SORT1: variants seen among roughly 807,000 people sequenced by gnomAD.
The protein encoded by SORT1 is sortilin.
Under a neutral mutation model 101.7 loss-of-function variants are expected in SORT1, and 39 were observed. The ratio of observed to expected loss-of-function variants is 0.38; its 90% CI spans 0.30 to 0.50. SORT1 has a LOEUF of 0.50. Ranked by LOEUF, SORT1 falls within the 20% of genes least tolerant of loss-of-function variation. The pLI is 0.90. For missense variants in SORT1, 878 were observed against 1,040.4 expected (o/e 0.84, Z 2.15); for synonymous variants, 396 against 393.7 (o/e 1.01, Z -0.07).
chr1:109,341,975 C>A (rs1649258423), intron 9 of SORT1, 39 bp downstream of exon 9: 2 of 1,585,744 alleles, frequency 1.3e-6, no homozygotes, highest in East Asian at 4.5e-5. Context: ...AAGCTTACAT[C>A]TCTATGCTTT....
intron 5 of SORT1, 118 bp from the exon 6 acceptor site, chr1:109,351,120 A>G: frequency 1.3e-6 from 1 of 773,556 alleles, no homozygotes. Context: ...CTGAAGCTCC[A>G]TCAGAGCTGC....
intron 11 of SORT1, among the ~76,000 whole-genome samples, chr1:109,335,548 T>C (rs999358121): frequency 2.6e-5 from 4 of 152,174 alleles, no homozygotes; most frequent in Non-Finnish European, 5.9e-5. Flanking sequence ...ATGTCAGTGA[T>C]ACAGATACTA....
At chr1:109,372,229 T>G (rs1651520258) in intron 1 of SORT1, among the ~76,000 whole-genome samples, 1 of 152,238 alleles carries the variant, frequency 6.6e-6, no homozygotes, top group South Asian at 2.1e-4. Context: ...CATGTCATTC[T>G]ACACTGCAGT....
chr1:109,327,246 T>C, intron 12 of SORT1, 86 bp from the exon 13 acceptor site: 1 of 1,167,724 alleles, frequency 8.6e-7, no homozygotes, highest in Non-Finnish European at 1.2e-6. Context: ...TTGAATGAAT[T>C]TATTCTGATT....
intron 13 of SORT1, among the ~76,000 whole-genome samples, chr1:109,325,370 T>A (rs1409978848): frequency 6.6e-6 from 1 of 150,960 alleles, no homozygotes. Flanking sequence ...GCCTCCTGAG[T>A]AGCTGGGATT....
chr1:109,376,235 G>C (rs1010897812), intron 1 of SORT1, among the ~76,000 whole-genome samples: 9 of 151,492 alleles, frequency 5.9e-5, no homozygotes, highest in Non-Finnish European at 1.0e-4. Context: ...AGAGGCTGAG[G>C]CAGGAGAATG....
In SORT1 at chr1:109,309,799, C is replaced by G. The variant is rs1340427621; in HGVS notation, c.*4244G>C. 2.0e-5 allele frequency: 3 copies of G among 152,236 alleles called. No homozygotes were observed. The highest frequency in any genetic ancestry group is 4.4e-5 in the Non-Finnish European group (3 of 68,028). The allele number at this position is 152,236 out of a possible 1,614,324, so 9.4% of individuals were successfully genotyped here. A position where few individuals can be genotyped will look rare whatever the true frequency, so the allele number is the denominator to read the frequency against. On this transcript the variant is annotated 3_prime_UTR_variant, in exon 20 of 20. Coordinates refer to ENST00000256637, the MANE Select transcript of SORT1 (RefSeq NM_002959.7). Reference sequence around the variant, plus strand: ...CCCACCTCACATGCAATTTTCTGTCCTAAGGGAATAGAAAACTTGGGTTTT... The same window carrying G: ...CCCACCTCACATGCAATTTTCTGTCGTAAGGGAATAGAAAACTTGGGTTTT...
At chr1:109,389,203 C>G (rs944655503) in intron 1 of SORT1, among the ~76,000 whole-genome samples, 5 of 152,226 alleles carry the variant, frequency 3.3e-5, no homozygotes, top group Admixed American at 3.3e-4. Context: ...ACAAATCATA[C>G]TCATACGGTA....
intron 1 of SORT1, chr1:109,393,500 T>C (rs1653029461): frequency 6.0e-6 from 1 of 165,744 alleles, no homozygotes; most frequent in South Asian, 2.0e-4. Flanking sequence ...AAGGGGTGCT[T>C]ACAGCAGAAA....
chr1:109,371,547 G>C (rs948706556), intron 1 of SORT1, among the ~76,000 whole-genome samples: 1 of 152,208 alleles, frequency 6.6e-6, no homozygotes, highest in Admixed American at 6.5e-5. Context: ...TCATCAGGCT[G>C]TAAGATATCA....
intron 1 of SORT1, among the ~76,000 whole-genome samples, chr1:109,386,475 G>A (rs1652574085): frequency 6.6e-6 from 1 of 152,194 alleles, no homozygotes. Context: ...CATATGGGGA[G>A]CTGAAGGGAC....
At position 109,397,792 on chromosome 1, in the gene SORT1, T is replaced by C; in HGVS notation, c.101A>G (p.Gln34Arg). Residue 34 changes from glutamine to arginine, a missense_variant, in exon 1 of 20, where the codon CAG becomes CGG. Around this residue, in one of 2 missense-constraint regions of SORT1, gnomAD observed 194 missense variants for 145.9 expected, o/e 1.33. Transcript: ENST00000256637. ...CGGCGGCGGCGCGTCCAGCCGGTCCTGGCTGAGGGTCGACGGCGGCAGCAG... is the reference window on the plus strand; with the variant it reads ...CGGCGGCGGCGCGTCCAGCCGGTCCCGGCTGAGGGTCGACGGCGGCAGCAG... ...LQLLPPSTLSQDRLDAPPPPA... is the reference protein window; with the variant it reads ...LQLLPPSTLSRDRLDAPPPPA... 1 of 1,254,268 alleles carries C rather than the reference T, an allele frequency of 8.0e-7. No individual in the cohort carries two copies. Among genetic ancestry groups the C allele is most frequent in the South Asian group, 2.1e-5 (1 of 48,126 alleles). The allele number at this position is 1,254,268 out of a possible 1,614,324, so 77.7% of individuals were successfully genotyped here. A position where few individuals can be genotyped will look rare whatever the true frequency, so the allele number is the denominator to read the frequency against.
intron 10 of SORT1, among the ~76,000 whole-genome samples, chr1:109,339,628 TTTTGTATTGCA>T (rs1219167968): frequency 6.6e-6 from 1 of 152,052 alleles, no homozygotes; most frequent in Non-Finnish European, 1.5e-5. Context: ...ATTGGAATCC[TTTTGTATTGCA>T]TGTAAAATGG....
chr1:109,365,050 T>C (rs1367272354), intron 3 of SORT1, among the ~76,000 whole-genome samples: 1 of 152,190 alleles, frequency 6.6e-6, no homozygotes, highest in Non-Finnish European at 1.5e-5. Context: ...TACTCTACAA[T>C]TATATGATAC....
chr1:109,316,553 CCTAAATGACT>C (rs1647230517), intron 17 of SORT1, among the ~76,000 whole-genome samples: 1 of 152,040 alleles, frequency 6.6e-6, no homozygotes, highest in Non-Finnish European at 1.5e-5. Context: ...TTTTTGTTTT[CCTAAATGACT>C]CTCAGCCTCA....
intron 15 of SORT1, among the ~76,000 whole-genome samples, chr1:109,319,848 C>T (rs1459866726): frequency 3.4e-5 from 5 of 148,800 alleles, no homozygotes; most frequent in African/African-American, 9.9e-5. Context: ...GCCTGGGCGA[C>T]AGCACGAGAC....
chr1:109,314,166 C>G (rs1658888852), intron 19 of SORT1, 95 bp downstream of exon 19: 2 of 1,601,562 alleles, frequency 1.2e-6, no homozygotes, highest in African/African-American at 2.7e-5. Context: ...GTCGCCTTGG[C>G]CCTGGCATAT....
At position 109,313,750 on chromosome 1, in the gene SORT1, A is replaced by C; in HGVS notation, c.*293T>G. 2.6e-6 allele frequency: 1 copy of C among 380,650 alleles called. No homozygotes were observed. The highest frequency in any genetic ancestry group is 4.5e-6 in the Non-Finnish European group (1 of 223,160). The allele number at this position is 380,650 out of a possible 1,614,324, so 23.6% of individuals were successfully genotyped here. ...CTTCGAATTCCATTTCGTTTCCCTT[A>C]AAAAACAAAAACAAAAAAGCCCATA... On this transcript the variant is annotated 3_prime_UTR_variant, in exon 20 of 20. Coordinates refer to ENST00000256637, the MANE Select transcript of SORT1 (RefSeq NM_002959.7).
intron 9 of SORT1, 37 bp downstream of exon 9, chr1:109,341,977 C>A: frequency 6.3e-7 from 1 of 1,589,456 alleles, no homozygotes; most frequent in Non-Finnish European, 8.6e-7. Context: ...GCTTACATCT[C>A]TATGCTTTTA....
Sources: allele counts gnomAD v4.1 joint callset (sites outside exome capture counted in the v4.1 genomes callset), GRCh38; gene constraint gnomAD v4.1.1; regional missense constraint gnomAD v4.1.1; transcripts MANE v1.5; gene names NCBI Gene and HGNC (gene_info 2026-07-23, HGNC 2026-07-21).